The following ATP11B variants were observed in gnomAD, a reference collection of about 807,000 sequenced individuals.
ATP11B encodes the protein phospholipid-transporting ATPase IF.
ATP11B carries 81 observed loss-of-function variants against 157.8 expected under a neutral mutation model. The ratio of observed to expected loss-of-function variants is 0.51; its 90% CI spans 0.43 to 0.62. The LOEUF is 0.62. Among genes scored for constraint, ATP11B ranks in the 20% least tolerant of loss-of-function variants. The pLI, the probability that ATP11B is intolerant of heterozygous loss-of-function variation, is 0.00. For synonymous variants in ATP11B, 451 were observed against 469.4 expected, an observed-to-expected ratio of 0.96 and a Z score of 0.51; for missense variants, 1,165 against 1,402.2, an observed-to-expected ratio of 0.83 and a Z score of 2.70.
chr3:182,887,744 T>C (rs1460458737), intron 24 of ATP11B, 31 bp downstream of exon 24: 1 of 1,587,588 alleles, frequency 6.3e-7, no homozygotes, highest in Non-Finnish European at 8.5e-7. Flanking sequence ...AATGGCCTTA[T>C]CAGTTTTTTT....
At chr3:182,882,992 C>T (rs1320025518) in intron 21 of ATP11B, among the ~76,000 whole-genome samples, 1 of 152,072 alleles carries the variant, frequency 6.6e-6, no homozygotes, top group Non-Finnish European at 1.5e-5. Context: ...AGATTGGCAT[C>T]CATTATAAAC....
rs565615552 is a variant in ATP11B, at chr3:182,838,858, A to G, written c.656+1684A>G. On this transcript the variant is annotated intron_variant, in intron 7 of 29. Coordinates refer to ENST00000323116, the MANE Select transcript of ATP11B (RefSeq NM_014616.3). ...AACATTTTATATGTCCAAGTAGGAA[A>G]ATGCTTAGATAGGTATATATGTAGA... is the stretch of plus-strand genomic sequence containing the variant. Among the ~76,000 whole-genome samples the G allele has an allele frequency of 1.3e-4, 20 of 151,954 alleles. No individual in the cohort carries two copies. The East Asian group carries it at 3.7e-3, about 28-fold the overall frequency.
At chr3:182,879,446 A>G (rs1360522304) in intron 19 of ATP11B, 50 bp from the exon 20 acceptor site, 2 of 1,499,796 alleles carry the variant, frequency 1.3e-6, no homozygotes, top group Admixed American at 4.3e-5. Flanking sequence ...GAGTGTAAAT[A>G]ATATGGCTTC....
intron 8 of ATP11B, chr3:182,843,937 G>T (rs1362311775): frequency 1.3e-5 from 2 of 152,182 alleles, no homozygotes; most frequent in African/African-American, 2.4e-5. Context: ...ATCTTTGTAT[G>T]TGTACGATCC....
intron 28 of ATP11B, among the ~76,000 whole-genome samples, chr3:182,907,507 TATC>T (rs1398770489): frequency 1.3e-5 from 2 of 152,250 alleles, no homozygotes; most frequent in Non-Finnish European, 2.9e-5. Flanking sequence ...TGTTATTAAA[TATC>T]ATCAGTTGAA....
intron 7 of ATP11B, among the ~76,000 whole-genome samples, 153 bp from the exon 8 acceptor site, chr3:182,841,922 T>C (rs1355245467): frequency 7.4e-6 from 1 of 135,098 alleles, no homozygotes; most frequent in Non-Finnish European, 1.5e-5. Context: ...GAGCTTGCAG[T>C]GAGCCGAGAT....
chr3:182,868,848 A>C (rs1560100817), intron 15 of ATP11B, among the ~76,000 whole-genome samples: 1 of 152,174 alleles, frequency 6.6e-6, no homozygotes, highest in Non-Finnish European at 1.5e-5. Context: ...TGGATATTAA[A>C]TGACATAAGG....
intron 8 of ATP11B, chr3:182,844,649 T>C (rs1473175115): frequency 3.8e-6 from 2 of 527,234 alleles, no homozygotes; most frequent in African/African-American, 4.1e-5. Context: ...TAACATACCT[T>C]GTACTTTGTA....
intron 18 of ATP11B, 28 bp from the exon 19 acceptor site, chr3:182,873,781 TCTA>T: frequency 1.9e-6 from 3 of 1,557,484 alleles, no homozygotes; most frequent in Non-Finnish European, 2.7e-6. Context: ...AAAAGTATTC[TCTA>T]CTACTAATTT....
intron 21 of ATP11B, among the ~76,000 whole-genome samples, 177 bp downstream of exon 21, chr3:182,881,158 G>A (rs1433009278): frequency 3.3e-5 from 5 of 152,068 alleles, no homozygotes; most frequent in South Asian, 2.1e-4. Flanking sequence ...TAATTAGGCC[G>A]GGCGTGGTGG....
At position 182,897,392 on chromosome 3, in the gene ATP11B, T is replaced by C. The variant is rs1315610779; in HGVS notation, c.3138T>C (p.Tyr1046=). 5.1e-6 allele frequency: 8 copies of C among 1,575,294 alleles called. No individual in the cohort carries two copies. In the South Asian group the frequency reaches 7.1e-5, roughly 14 times the overall value. The stretch of plus-strand genomic sequence containing the variant: ...TTTATTTTGTATTTTCCTTGTTTTA[T>C]GGAGGGATTCTCTGGTGAGTGAATA... ...IIFYFVFSLF[Y]GGILWPFLGS... The change falls in exon 27 of 30, where the codon TAT becomes TAC. Residue 1046 remains tyrosine, a synonymous_variant. Coordinates refer to ENST00000323116, the MANE Select transcript of ATP11B (RefSeq NM_014616.3).
At chr3:182,913,793 A>C in intron 28 of ATP11B, 68 bp from the exon 29 acceptor site, 2 of 1,608,460 alleles carry the variant, frequency 1.2e-6, no homozygotes, top group Non-Finnish European at 1.7e-6. Flanking sequence ...TGCTTGTTGT[A>C]ATGTTCTAAT....
In ATP11B at chr3:182,817,256, A is replaced by G. The variant is rs548578434; in HGVS notation, c.28-3004A>G. ...TTTTTAAAATTCAGTTTAATTTATA[A>G]TGTATTTTGGGGGGACCGTTTTTTT... is the stretch of plus-strand genomic sequence containing the variant. On this transcript the variant is annotated intron_variant, in intron 1 of 29. Coordinates refer to ENST00000323116, the MANE Select transcript of ATP11B (RefSeq NM_014616.3). 2.6e-5 allele frequency among the ~76,000 whole-genome samples: 4 copies of G among 151,142 alleles called. No homozygotes were observed. In the East Asian group the frequency reaches 7.7e-4, roughly 29 times the overall value.
At chr3:182,856,992 A>G (rs963540030) in intron 10 of ATP11B, among the ~76,000 whole-genome samples, 5 of 152,238 alleles carry the variant, frequency 3.3e-5, no homozygotes, top group Non-Finnish European at 7.3e-5. Context: ...AAACTTAAAG[A>G]CATGTGGCAT....
intron 7 of ATP11B, among the ~76,000 whole-genome samples, chr3:182,840,069 C>T (rs1462513687): frequency 6.6e-6 from 1 of 152,132 alleles, no homozygotes; most frequent in African/African-American, 2.4e-5. Context: ...TGTACTAGAA[C>T]CTAACCATTC....
intron 1 of ATP11B, among the ~76,000 whole-genome samples, chr3:182,803,167 C>T (rs2108484608): frequency 6.6e-6 from 1 of 152,152 alleles, no homozygotes; most frequent in South Asian, 2.1e-4. Flanking sequence ...CTAAATATTG[C>T]CAAAGTATTT....
intron 25 of ATP11B, among the ~76,000 whole-genome samples, chr3:182,893,657 G>A (rs1411218412): frequency 6.6e-6 from 1 of 152,176 alleles, no homozygotes; most frequent in African/African-American, 2.4e-5. Flanking sequence ...AAACATGGGT[G>A]TGCAAGTATC....
chr3:182,793,883 C>A, intron 1 of ATP11B, 97 bp downstream of exon 1: 1 of 836,906 alleles, frequency 1.2e-6, no homozygotes, highest in Non-Finnish European at 1.6e-6. Flanking sequence ...AGCCGGGAGG[C>A]CAGGGCGTGG....
chr3:182,845,754 G>A (rs1329218716), intron 9 of ATP11B, among the ~76,000 whole-genome samples: 3 of 151,996 alleles, frequency 2.0e-5, no homozygotes, highest in African/African-American at 2.4e-5. Context: ...TTATCTTTAC[G>A]GATACTTGTG....
Sources: allele counts gnomAD v4.1 joint callset (sites outside exome capture counted in the v4.1 genomes callset), GRCh38; gene constraint gnomAD v4.1.1; transcripts MANE v1.5; gene names NCBI Gene and HGNC (gene_info 2026-07-23, HGNC 2026-07-21).